Variants in CACNA1E observed in about 807,000 individuals in gnomAD.
CACNA1E encodes voltage-dependent R-type calcium channel subunit alpha-1E.
Under a neutral mutation model 259.2 loss-of-function variants are expected in CACNA1E, and 40 were observed. The observed-to-expected ratio is 0.15, with a 90% confidence interval of 0.12 to 0.20. The LOEUF (loss-of-function observed/expected upper bound fraction) is 0.20, where lower values mean the gene tolerates loss of function less well. Among genes scored for constraint, CACNA1E ranks in the 10% least tolerant of loss-of-function variants. The probability of loss-of-function intolerance (pLI) is 1.00; values close to 1 mark genes in which losing one functional copy is unlikely to be tolerated. For missense variants in CACNA1E, 1,874 were observed against 3,040.1 expected, an observed-to-expected ratio of 0.62 and a Z score of 9.02; for synonymous variants, 1,104 against 1,138.5, an observed-to-expected ratio of 0.97 and a Z score of 0.61.
intron 2 of CACNA1E, among the ~76,000 whole-genome samples, chr1:181,461,520 G>A (rs1305430264): frequency 7.3e-5 from 10 of 136,100 alleles, no homozygotes; most frequent in Admixed American, 1.6e-4. Flanking sequence ...CAGCCTGGGC[G>A]ACAGAGCAAG....
chr1:181,572,556 A>G (rs1364514546), intron 3 of CACNA1E, among the ~76,000 whole-genome samples: 1 of 152,194 alleles, frequency 6.6e-6, no homozygotes, highest in Non-Finnish European at 1.5e-5. Flanking sequence ...CAAAGTGGGC[A>G]TTAAGCACCC....
intron 7 of CACNA1E, among the ~76,000 whole-genome samples, chr1:181,669,927 G>A (rs527302270): frequency 1.3e-5 from 2 of 152,332 alleles, no homozygotes; most frequent in African/African-American, 4.8e-5. Context: ...CATGATCCCA[G>A]TGTAATTGTT....
chr1:181,594,517 G>A (rs767286723), intron 6 of CACNA1E, among the ~76,000 whole-genome samples: 15 of 152,142 alleles, frequency 9.9e-5, no homozygotes, highest in Non-Finnish European at 1.9e-4. Context: ...TTGTGCCTTA[G>A]CCTCCTGAGT....
chr1:181,418,401 C>T (rs1658444402), intron 2 of CACNA1E, among the ~76,000 whole-genome samples: 1 of 152,130 alleles, frequency 6.6e-6, no homozygotes, highest in Non-Finnish European at 1.5e-5. Flanking sequence ...ACTGGATGTC[C>T]CAGGGCTTGG....
chr1:181,408,612 C>T (rs965751786), intron 1 of CACNA1E, among the ~76,000 whole-genome samples: 6 of 152,026 alleles, frequency 3.9e-5, no homozygotes, highest in African/African-American at 1.5e-4. Flanking sequence ...TGCCATTCCA[C>T]TGTGCCCTGA....
chr1:181,676,282 T>C (rs1325763503), intron 7 of CACNA1E, among the ~76,000 whole-genome samples: 1 of 152,224 alleles, frequency 6.6e-6, no homozygotes, highest in Middle Eastern at 3.2e-3. Flanking sequence ...ATTAAAAGTG[T>C]ATTTTAATGA....
chr1:181,596,557 C>CGTGT (rs60302499), intron 6 of CACNA1E, among the ~76,000 whole-genome samples: 3,677 of 140,534 alleles, frequency 0.026, 113 homozygotes, highest in African/African-American at 0.062. Flanking sequence ...CCACCATGTA[C>CGTGT]GTGTGTGTGT....
At chr1:181,343,941 G>A (rs1005799175) in intron 1 of CACNA1E, among the ~76,000 whole-genome samples, 20 of 152,072 alleles carry the variant, frequency 1.3e-4, no homozygotes, top group African/African-American at 4.6e-4. Context: ...AGGACAACAG[G>A]CCCTTCCCTT....
chr1:181,422,064 C>T (rs59897203), intron 2 of CACNA1E, among the ~76,000 whole-genome samples: 5,836 of 152,306 alleles, frequency 0.038, 197 homozygotes, highest in East Asian at 0.16. Context: ...CTGCCGTTGC[C>T]TGGAATATTT....
chr1:181,474,838 C>A (rs1288560579), intron 2 of CACNA1E, among the ~76,000 whole-genome samples: 1 of 152,142 alleles, frequency 6.6e-6, no homozygotes, highest in Non-Finnish European at 1.5e-5. Context: ...CCTCATAAGA[C>A]AATGAACCCT....
At chr1:181,392,242 C>T (rs560539983) in intron 1 of CACNA1E, among the ~76,000 whole-genome samples, 4 of 152,230 alleles carry the variant, frequency 2.6e-5, no homozygotes, top group African/African-American at 7.2e-5. Context: ...TTTTTCCTGA[C>T]GCTCAACTCA....
intron 3 of CACNA1E, among the ~76,000 whole-genome samples, chr1:181,562,802 T>A (rs1175651531): frequency 6.6e-6 from 1 of 152,182 alleles, no homozygotes; most frequent in Non-Finnish European, 1.5e-5. Flanking sequence ...GTTTCCCTGT[T>A]GTGAGAGTAA....
chr1:181,437,375 C>A (rs1335816284), intron 2 of CACNA1E, among the ~76,000 whole-genome samples: 1 of 152,112 alleles, frequency 6.6e-6, no homozygotes, highest in Non-Finnish European at 1.5e-5. Flanking sequence ...GAACAAAACA[C>A]AAGAATCCTT....
At chr1:181,424,390 G>A (rs997128026) in intron 2 of CACNA1E, among the ~76,000 whole-genome samples, 1 of 152,232 alleles carries the variant, frequency 6.6e-6, no homozygotes, top group Non-Finnish European at 1.5e-5. Context: ...AAAAGAGGCT[G>A]TTTCTAGATC....
rs1318314627 is a variant in CACNA1E, at chr1:181,509,771, G to T, written c.267-706G>T. 2.6e-5 allele frequency among the ~76,000 whole-genome samples: 4 copies of T among 152,162 alleles called. No homozygotes were observed. In the East Asian group the frequency reaches 7.7e-4, roughly 29 times the overall value. On this transcript the variant is annotated intron_variant, in intron 1 of 47. Coordinates refer to ENST00000367573, the MANE Select transcript of CACNA1E (RefSeq NM_001205293.3). ...TTGTAGTGTGGTTCTTACAGGACTG[G>T]ACTTTGCTGTCCAGGATTCCAGACT...
chr1:181,559,477 A>G (rs901852543), intron 3 of CACNA1E, among the ~76,000 whole-genome samples: 1 of 152,180 alleles, frequency 6.6e-6, no homozygotes, highest in African/African-American at 2.4e-5. Flanking sequence ...GGGGAAAGGC[A>G]AGTATGAAAC....
intron 1 of CACNA1E, among the ~76,000 whole-genome samples, chr1:181,325,829 C>T (rs1017469402): frequency 2.0e-5 from 3 of 152,120 alleles, no homozygotes; most frequent in Admixed American, 6.5e-5. Flanking sequence ...CTAATTATTT[C>T]CTCTCGGAAC....
intron 6 of CACNA1E, among the ~76,000 whole-genome samples, chr1:181,603,915 C>T (rs1653979216): frequency 6.6e-6 from 1 of 152,124 alleles, no homozygotes. Context: ...CAGCTGCCGC[C>T]GAGCTGCTCA....
At chr1:181,755,929 T>C (rs1353045204) in intron 28 of CACNA1E, 27 bp from the exon 29 acceptor site, 1 of 1,607,810 alleles carries the variant, frequency 6.2e-7, no homozygotes, top group African/African-American at 1.3e-5. Context: ...GTGAGGAGGC[T>C]CTCTTTCATT....
Sources: gnomAD v4.1 joint callset for allele counts (sites outside exome capture counted in the v4.1 genomes callset) on GRCh38, gnomAD v4.1.1 for gene constraint, MANE v1.5 for transcripts, NCBI Gene and HGNC (gene_info 2026-07-23, HGNC 2026-07-21) for gene names.